MBOAT1: variants seen among roughly 807,000 people sequenced by gnomAD.
MBOAT1 encodes the protein membrane-bound glycerophospholipid O-acyltransferase 1.
Under a neutral mutation model 64.4 loss-of-function variants are expected in MBOAT1, and 67 were observed. That is an observed-to-expected ratio of 1.04 (90% confidence interval 0.85 to 1.27). MBOAT1 has a LOEUF of 1.27. Among genes scored for constraint, MBOAT1 ranks in the 50% most tolerant of loss-of-function variants. The pLI, the probability that MBOAT1 is intolerant of heterozygous loss-of-function variation, is 0.00. For missense variants in MBOAT1, 563 were observed against 604.6 expected (o/e 0.93, Z 0.72); for synonymous variants, 229 against 218.9 (o/e 1.05, Z -0.41).
chr6:20,156,483 A>G (rs1330878207), intron 1 of MBOAT1, among the ~76,000 whole-genome samples: 1 of 152,300 alleles, frequency 6.6e-6, no homozygotes, highest in East Asian at 1.9e-4. Context: ...CTCTAAAGCA[A>G]AAGTAGAAAC....
intron 4 of MBOAT1, among the ~76,000 whole-genome samples, chr6:20,140,738 G>C (rs938551727): frequency 6.6e-6 from 1 of 152,078 alleles, no homozygotes; most frequent in Admixed American, 6.5e-5. Flanking sequence ...GGACTTCTTG[G>C]CCTCCATAAT....
intron 1 of MBOAT1, among the ~76,000 whole-genome samples, chr6:20,187,009 A>T (rs1161980626): frequency 6.6e-6 from 1 of 152,246 alleles, no homozygotes; most frequent in African/African-American, 2.4e-5. Context: ...TGGGATAAAA[A>T]TAACCTTTTA....
At chr6:20,196,520 G>C (rs1762958845) in intron 1 of MBOAT1, among the ~76,000 whole-genome samples, 1 of 152,108 alleles carries the variant, frequency 6.6e-6, no homozygotes, top group Non-Finnish European at 1.5e-5. Flanking sequence ...GGATGAAAAT[G>C]TTCTAAAATT....
At chr6:20,162,776 G>C (rs922867488) in intron 1 of MBOAT1, among the ~76,000 whole-genome samples, 3 of 152,140 alleles carry the variant, frequency 2.0e-5, no homozygotes, top group African/African-American at 7.2e-5. Flanking sequence ...TCTTGTACAA[G>C]GGAAAATTTG....
At chr6:20,143,711 G>T (rs762592784) in intron 4 of MBOAT1, among the ~76,000 whole-genome samples, 4 of 152,020 alleles carry the variant, frequency 2.6e-5, no homozygotes, top group Non-Finnish European at 4.4e-5. Flanking sequence ...CATGACACAG[G>T]TTTGCCTATG....
intron 1 of MBOAT1, among the ~76,000 whole-genome samples, chr6:20,155,239 A>G (rs1337114547): frequency 2.0e-5 from 3 of 152,190 alleles, no homozygotes; most frequent in African/African-American, 7.2e-5. Flanking sequence ...GACCTACTGA[A>G]TTAGACATTT....
At chr6:20,121,512 G>A (rs1003003846) in intron 8 of MBOAT1, among the ~76,000 whole-genome samples, 2 of 152,182 alleles carry the variant, frequency 1.3e-5, no homozygotes, top group African/African-American at 4.8e-5. Context: ...ACAGGAAGGG[G>A]TACCTCTACA....
Position 20,102,399 on chromosome 6 carries a change from A to G in MBOAT1, c.1375T>C (p.Tyr459His), listed in dbSNP as rs1386190911. The G allele has an allele frequency of 1.2e-6, 2 of 1,608,094 alleles. No individual in the cohort carries two copies. The highest frequency in any genetic ancestry group is 1.3e-5 in the African/African-American group (1 of 74,726). ...ATCAGGAGACTTATGATGTGCAAAT[A>G]AAAGTACATGGACCTGGGAATAAAA... ...TISLYKSMYF[Y>H]LHIISLLIIL... Residue 459 changes from tyrosine (Y) to histidine (H), a missense_variant, in exon 13 of 13, where the codon TAT becomes CAT. Physicochemically the swap from Tyr to His is moderately conservative, Grantham distance 83. Coordinates refer to ENST00000324607, the MANE Select transcript of MBOAT1 (RefSeq NM_001080480.3).
intron 1 of MBOAT1, among the ~76,000 whole-genome samples, chr6:20,195,285 C>T (rs1468495171): frequency 6.6e-6 from 1 of 152,156 alleles, no homozygotes; most frequent in African/African-American, 2.4e-5. Flanking sequence ...CTTCCATAAT[C>T]GAATGCTTTT....
At chr6:20,155,005 C>T (rs16883446) in intron 1 of MBOAT1, among the ~76,000 whole-genome samples, 34,429 of 152,174 alleles carry the variant, frequency 0.23, 4,432 homozygotes, top group East Asian at 0.44. Context: ...ATCACATGTT[C>T]TTTCATTCTC....
chr6:20,111,825 C>CGT (rs1554115555), intron 11 of MBOAT1, among the ~76,000 whole-genome samples: 6 of 110,876 alleles, frequency 5.4e-5, no homozygotes, highest in African/African-American at 1.3e-4. Flanking sequence ...CATATATATA[C>CGT]ATATATATAC....
At chr6:20,120,921 A>G (rs1760476481) in intron 8 of MBOAT1, among the ~76,000 whole-genome samples, 1 of 152,164 alleles carries the variant, frequency 6.6e-6, no homozygotes. Flanking sequence ...CAGTCCAAAA[A>G]TGGTTTTACT....
chr6:20,110,244 G>A (rs1276216922), intron 11 of MBOAT1, among the ~76,000 whole-genome samples: 2 of 140,902 alleles, frequency 1.4e-5, no homozygotes, highest in Non-Finnish European at 3.0e-5. Flanking sequence ...TAAGACTCTT[G>A]CTCTGCCACC....
At chr6:20,207,333 G>A (rs938732651) in intron 1 of MBOAT1, among the ~76,000 whole-genome samples, 1 of 152,138 alleles carries the variant, frequency 6.6e-6, no homozygotes, top group Admixed American at 6.5e-5. Context: ...GTCCTCCCTT[G>A]ACTATAGTAA....
intron 1 of MBOAT1, among the ~76,000 whole-genome samples, chr6:20,186,350 G>A (rs1172359934): frequency 2.6e-5 from 4 of 152,230 alleles, no homozygotes; most frequent in Non-Finnish European, 5.9e-5. Context: ...CAATGCTTCT[G>A]GCATATCTAT....
At chr6:20,105,477 C>T (rs974995973) in intron 12 of MBOAT1, among the ~76,000 whole-genome samples, 5 of 152,148 alleles carry the variant, frequency 3.3e-5, no homozygotes, top group African/African-American at 7.2e-5. Flanking sequence ...CAAATTCTAA[C>T]GTTCTGGCCA....
At chr6:20,116,932 GGA>G (rs1163844995) in intron 9 of MBOAT1, among the ~76,000 whole-genome samples, 2 of 152,156 alleles carry the variant, frequency 1.3e-5, no homozygotes, top group Non-Finnish European at 2.9e-5. Context: ...GAGTTTGGAA[GGA>G]GAGAAGAATC....
At chr6:20,109,902 C>CTTTTTTTTTTTT (rs1158455991) in intron 11 of MBOAT1, among the ~76,000 whole-genome samples, 153 bp from the exon 12 acceptor site, 1 of 94,116 alleles carries the variant, frequency 1.1e-5, no homozygotes, top group Non-Finnish European at 2.0e-5. Context: ...ACCATCAGGA[C>CTTTTTTTTTTTT]TTTTTTTTTT....
chr6:20,159,749 C>T (rs890996489), intron 1 of MBOAT1, among the ~76,000 whole-genome samples: 8 of 152,138 alleles, frequency 5.3e-5, no homozygotes, highest in Non-Finnish European at 7.4e-5. Context: ...CAAAACATCA[C>T]ATTGTACCCT....
Sources: allele counts gnomAD v4.1 joint callset (sites outside exome capture counted in the v4.1 genomes callset), GRCh38; gene constraint gnomAD v4.1.1; transcripts MANE v1.5; gene names NCBI Gene and HGNC (gene_info 2026-07-23, HGNC 2026-07-21).